The following ADAMTSL1 variants were observed in gnomAD, a reference collection of about 807,000 sequenced individuals.
ADAMTSL1 encodes the protein ADAMTS-like protein 1.
Under a neutral mutation model 201.8 loss-of-function variants are expected in ADAMTSL1, and 126 were observed. The observed-to-expected ratio is 0.62, with a 90% confidence interval of 0.54 to 0.72. The LOEUF is 0.72. ADAMTSL1 is among the 30% of genes least tolerant of loss of function. The pLI is 0.00. For missense variants in ADAMTSL1, 2,679 were observed against 2,277.8 expected (o/e 1.18, Z -3.59); for synonymous variants, 1,121 against 903.4 (o/e 1.24, Z -4.32).
At position 18,795,460 on chromosome 9, in the gene ADAMTSL1, C is replaced by T. The variant is rs1822361737; in HGVS notation, c.3741C>T (p.Phe1247=). ...CACCAGTGGAAGCAGATGTGGGTTT[C>T]TACACTTGCAATGCCACCAATGCCT... ...ILAPVEADVG[F]YTCNATNALG... is the part of the protein sequence containing the mutation. Residue 1247 remains phenylalanine (F), a synonymous_variant, in exon 20 of 29, where the codon TTC becomes TTT. Coordinates refer to ENST00000380548, the MANE Select transcript of ADAMTSL1 (RefSeq NM_001040272.6). 1.2e-6 allele frequency: 2 copies of T among 1,613,900 alleles called. No homozygotes were observed. Among genetic ancestry groups the T allele is most frequent in the Non-Finnish European group, 1.7e-6 (2 of 1,179,844 alleles).
chr9:18,013,563 A>G (rs1478230269), intron 1 of ADAMTSL1, among the ~76,000 whole-genome samples: 1 of 152,078 alleles, frequency 6.6e-6, no homozygotes, highest in African/African-American at 2.4e-5. Context: ...AAAAACACGG[A>G]TTCTAAAACC....
chr9:18,573,230 A>G (rs1302797002), intron 3 of ADAMTSL1: 1 of 154,226 alleles, frequency 6.5e-6, no homozygotes, highest in Non-Finnish European at 1.5e-5. Context: ...AATAGCTACC[A>G]TCTACTCAGT....
At chr9:18,094,616 G>C (rs193112496) in intron 1 of ADAMTSL1, among the ~76,000 whole-genome samples, 56 of 150,484 alleles carry the variant, frequency 3.7e-4, no homozygotes, top group African/African-American at 1.2e-3. Context: ...CAGTGGTTTT[G>C]TCTTCTAAAT....
intron 2 of ADAMTSL1, among the ~76,000 whole-genome samples, chr9:18,424,066 CCT>C (rs1819085768): frequency 6.6e-6 from 1 of 152,192 alleles, no homozygotes; most frequent in Non-Finnish European, 1.5e-5. Flanking sequence ...CTAAATTTAA[CCT>C]CAAAGAAATC....
intron 1 of ADAMTSL1, among the ~76,000 whole-genome samples, chr9:17,985,315 A>T (rs1413255772): frequency 6.6e-6 from 1 of 152,154 alleles, no homozygotes; most frequent in Non-Finnish European, 1.5e-5. Context: ...AACCTTTTGT[A>T]TATTTTCCAA....
At chr9:18,348,849 T>G (rs781341871) in intron 2 of ADAMTSL1, among the ~76,000 whole-genome samples, 7 of 152,204 alleles carry the variant, frequency 4.6e-5, no homozygotes, top group South Asian at 2.1e-4. Context: ...ATATAAAATG[T>G]GTATTATTAC....
intron 2 of ADAMTSL1, among the ~76,000 whole-genome samples, chr9:18,248,101 C>T (rs890405727): frequency 9.9e-5 from 15 of 152,132 alleles, no homozygotes; most frequent in Admixed American, 5.2e-4. Context: ...CTTATTTAAG[C>T]CTCAGCTTAA....
chr9:18,770,913 C>CAT, intron 17 of ADAMTSL1, 132 bp downstream of exon 17: 1 of 1,003,528 alleles, frequency 1.0e-6, no homozygotes, highest in Non-Finnish European at 1.4e-6. Flanking sequence ...TTTTTGTAAC[C>CAT]ATATATACCG....
At chr9:18,118,446 G>T (rs936577538) in intron 1 of ADAMTSL1, among the ~76,000 whole-genome samples, 2 of 152,134 alleles carry the variant, frequency 1.3e-5, no homozygotes, top group African/African-American at 4.8e-5. Flanking sequence ...GCAACACATG[G>T]CAGCTGGACT....
chr9:18,468,071 A>T (rs1293628855), intron 2 of ADAMTSL1, among the ~76,000 whole-genome samples: 1 of 152,190 alleles, frequency 6.6e-6, no homozygotes, highest in African/African-American at 2.4e-5. Context: ...TAAAATGATA[A>T]GTTTCTCTAT....
intron 2 of ADAMTSL1, among the ~76,000 whole-genome samples, chr9:18,287,442 G>A (rs575040028): frequency 1.3e-5 from 2 of 151,196 alleles, no homozygotes; most frequent in East Asian, 1.9e-4. Context: ...CTACATATAT[G>A]TATGTGTATT....
At chr9:18,442,323 T>G (rs1196554217) in intron 2 of ADAMTSL1, among the ~76,000 whole-genome samples, 3 of 152,188 alleles carry the variant, frequency 2.0e-5, no homozygotes, top group Non-Finnish European at 4.4e-5. Context: ...TGAGGAAAAT[T>G]TCAGAGAAAG....
chr9:18,258,350 T>A (rs940600449), intron 2 of ADAMTSL1, among the ~76,000 whole-genome samples: 1 of 152,024 alleles, frequency 6.6e-6, no homozygotes, highest in Non-Finnish European at 1.5e-5. Flanking sequence ...TTATCTGAAA[T>A]AAAAGAAAAA....
intron 20 of ADAMTSL1, among the ~76,000 whole-genome samples, chr9:18,801,768 T>C (rs550711876): frequency 1.1e-4 from 17 of 152,222 alleles, no homozygotes; most frequent in Non-Finnish European, 1.8e-4. Context: ...CAGTCTGTCA[T>C]TGATTGGCAT....
intron 28 of ADAMTSL1, 74 bp downstream of exon 28, chr9:18,906,986 C>A: frequency 6.5e-7 from 1 of 1,539,354 alleles, no homozygotes; most frequent in Non-Finnish European, 8.9e-7. Context: ...TCCCTGGGAC[C>A]GACCCTGAGC....
chr9:18,651,414 T>C (rs1205032853), intron 7 of ADAMTSL1: 1 of 152,192 alleles, frequency 6.6e-6, no homozygotes, highest in Non-Finnish European at 1.5e-5. Flanking sequence ...ATATTCTGGT[T>C]TTGCTCACTT....
chr9:18,750,166 C>G (rs1033596115), intron 15 of ADAMTSL1, among the ~76,000 whole-genome samples: 1 of 152,112 alleles, frequency 6.6e-6, no homozygotes, highest in East Asian at 1.9e-4. Flanking sequence ...AAGCATAATA[C>G]CTGTAAGGAA....
In ADAMTSL1 at chr9:18,180,528, G is replaced by A. The variant is rs1459039707; in HGVS notation, c.207+16547G>A. Among the ~76,000 whole-genome samples the A allele has an allele frequency of 7.8e-3, 628 of 80,666 alleles. 3 individuals are homozygous for A. The highest frequency in any genetic ancestry group is 0.013 in the Admixed American group (81 of 6,110). The allele number at this position is 80,666 out of a possible 152,430, so 52.9% of individuals were successfully genotyped here. On this transcript the variant is annotated intron_variant, in intron 2 of 29. Coordinates refer to the ADAMTSL1 transcript ENST00000680146. ...AGCCTGGGTGACAGAGCGAGACTCCGTGTCAAAAAAAAAAAAAAAAAAAAA... is the reference window on the plus strand; with the variant it reads ...AGCCTGGGTGACAGAGCGAGACTCCATGTCAAAAAAAAAAAAAAAAAAAAA...
chr9:18,266,586 T>C (rs1460165980), intron 2 of ADAMTSL1, among the ~76,000 whole-genome samples: 1 of 152,188 alleles, frequency 6.6e-6, no homozygotes, highest in African/African-American at 2.4e-5. Context: ...AAAAGTTCTA[T>C]TTGTTTGTTG....
Sources: allele counts gnomAD v4.1 joint callset (sites outside exome capture counted in the v4.1 genomes callset), GRCh38; gene constraint gnomAD v4.1.1; transcripts MANE v1.5; gene names NCBI Gene and HGNC (gene_info 2026-07-23, HGNC 2026-07-21).